The following HECW1 variants were observed in gnomAD, a reference collection of about 807,000 sequenced individuals.
HECW1 encodes the protein HECT, C2 and WW domain containing E3 ubiquitin protein ligase 1, also known as E3 ubiquitin-protein ligase HECW1.
A neutral mutation model predicts 182.3 loss-of-function variants in HECW1; 61 were observed. That is an observed-to-expected ratio of 0.33 (90% CI 0.27 to 0.41). The LOEUF (loss-of-function observed/expected upper bound fraction) is 0.41, where lower values mean the gene tolerates loss of function less well. HECW1 is among the 10% of genes least tolerant of loss of function. The pLI is 1.00. For missense variants in HECW1, 1,739 were observed against 2,108.9 expected (o/e 0.82, Z 3.44); for synonymous variants, 859 against 832.6 (o/e 1.03, Z -0.55).
At chr7:43,140,588 C>T (rs937004846) in intron 2 of HECW1, among the ~76,000 whole-genome samples, 2 of 152,122 alleles carry the variant, frequency 1.3e-5, no homozygotes, top group African/African-American at 2.4e-5. Flanking sequence ...TTCTAAATGG[C>T]GTCCCAAAAG....
At chr7:43,273,333 T>G (rs1802654674) in intron 3 of HECW1, among the ~76,000 whole-genome samples, 1 of 151,340 alleles carries the variant, frequency 6.6e-6, no homozygotes, top group South Asian at 2.1e-4. Flanking sequence ...TTGAAAAAAA[T>G]AAAGATAAAT....
At chr7:43,400,470 C>A (rs1459687200) in intron 7 of HECW1, among the ~76,000 whole-genome samples, 1 of 152,072 alleles carries the variant, frequency 6.6e-6, no homozygotes, top group African/African-American at 2.4e-5. Flanking sequence ...TTGACTTGAA[C>A]AATGTGTGGA....
intron 16 of HECW1, among the ~76,000 whole-genome samples, chr7:43,476,969 T>A (rs914637954): frequency 5.3e-5 from 8 of 152,262 alleles, no homozygotes; most frequent in Admixed American, 3.9e-4. Flanking sequence ...AGCAGATGTA[T>A]AACTTAGCAC....
intron 2 of HECW1, among the ~76,000 whole-genome samples, chr7:43,239,722 G>T (rs1798697994): frequency 6.6e-6 from 1 of 152,222 alleles, no homozygotes; most frequent in Non-Finnish European, 1.5e-5. Context: ...GGGGATGTCA[G>T]ATACACCCAC....
intron 29 of HECW1, among the ~76,000 whole-genome samples, chr7:43,556,065 C>T (rs2082007774): frequency 2.0e-5 from 3 of 152,152 alleles, no homozygotes; most frequent in South Asian, 2.1e-4. Context: ...AGGGAGAACA[C>T]GGCCTGATAG....
In HECW1 at chr7:43,243,880, G is replaced by T; in HGVS notation, c.-26G>T. ...CTCGTTGGACTTTTCCCCAGGAATT[G>T]ATGCGCGTACACGTGGTGGGTCATT... On this transcript the variant is annotated 5_prime_UTR_variant, in exon 3 of 30. Transcript: ENST00000395891. This position sits in a 1 kb window ranked among gnomAD's most constrained non-coding sequence, Gnocchi z 4.0. 1 of 1,613,078 alleles carries T rather than the reference G, an allele frequency of 6.2e-7. No individual in the cohort carries two copies. The highest frequency in any genetic ancestry group is 8.5e-7 in the Non-Finnish European group (1 of 1,179,042).
At chr7:43,412,285 A>G (rs2075826683) in intron 8 of HECW1, among the ~76,000 whole-genome samples, 2 of 152,082 alleles carry the variant, frequency 1.3e-5, no homozygotes, top group Non-Finnish European at 2.9e-5. Flanking sequence ...TATATATCAC[A>G]TTGTATATAC....
At chr7:43,241,616 ATG>A (rs57645139) in intron 2 of HECW1, 7,534 of 121,978 alleles carry the variant, frequency 0.062, 221 homozygotes, top group South Asian at 0.1. Context: ...CTCCTAATGT[ATG>A]TGTGTGTGTG....
intron 2 of HECW1, among the ~76,000 whole-genome samples, chr7:43,197,617 G>A (rs1255634683): frequency 1.3e-5 from 2 of 152,166 alleles, no homozygotes; most frequent in African/African-American, 4.8e-5. Context: ...ATCAGTCACT[G>A]CTGCATGAAG....
chr7:43,379,747 T>C (rs961432160), intron 6 of HECW1, among the ~76,000 whole-genome samples: 2 of 152,104 alleles, frequency 1.3e-5, no homozygotes, highest in African/African-American at 4.8e-5. Context: ...TTTAGATCGT[T>C]TTCTCAAATG....
At chr7:43,464,493 A>AC (rs1201969234) in intron 14 of HECW1, among the ~76,000 whole-genome samples, 7 of 148,680 alleles carry the variant, frequency 4.7e-5, no homozygotes, top group African/African-American at 1.7e-4. Flanking sequence ...ACTGGCTTCC[A>AC]CTTTTTTTTT....
chr7:43,508,207 C>A, intron 23 of HECW1, 76 bp downstream of exon 23: 1 of 867,810 alleles, frequency 1.2e-6, no homozygotes. Flanking sequence ...TGATTTTTCT[C>A]AAGAAGGAGC....
At chr7:43,483,769 G>A (rs1031979904) in intron 17 of HECW1, among the ~76,000 whole-genome samples, 2 of 151,900 alleles carry the variant, frequency 1.3e-5, no homozygotes, top group Non-Finnish European at 2.9e-5. Flanking sequence ...GACTGGTCTC[G>A]AACTCTTGAC....
chr7:43,375,661 A>T (rs1477807444), intron 6 of HECW1, among the ~76,000 whole-genome samples: 2 of 152,022 alleles, frequency 1.3e-5, no homozygotes, highest in African/African-American at 4.8e-5. Context: ...GGGAGGCTGA[A>T]GTGGGCAGAT....
chr7:43,513,147 G>C (rs1210854285), intron 24 of HECW1, among the ~76,000 whole-genome samples: 2 of 152,058 alleles, frequency 1.3e-5, no homozygotes, highest in African/African-American at 4.8e-5. Flanking sequence ...CTTCTACCAG[G>C]GTTAAGATTA....
In HECW1 at chr7:43,112,827, C is replaced by T. The variant is rs1271678199; in HGVS notation, c.-377C>T. On this transcript the variant is annotated 5_prime_UTR_variant, in exon 1 of 30. Transcript: ENST00000395891. ...GAGAGCGGGCGGTCGCCAGGGTCCCCTCCCCAGCCAGTCCCAGGCGCCCGG... is the reference window on the plus strand; with the variant it reads ...GAGAGCGGGCGGTCGCCAGGGTCCCTTCCCCAGCCAGTCCCAGGCGCCCGG... The T allele has an allele frequency of 4.4e-6, 1 of 228,232 alleles. No individual in the cohort carries two copies. The highest frequency in any genetic ancestry group is 8.7e-6 in the Non-Finnish European group (1 of 114,776). 14.1% of individuals were successfully genotyped at this position (228,232 alleles called of 1,614,324 possible). A position where few individuals can be genotyped will look rare whatever the true frequency, so the allele number is the denominator to read the frequency against.
chr7:43,542,792 T>A (rs2081410266), intron 26 of HECW1, among the ~76,000 whole-genome samples: 1 of 152,226 alleles, frequency 6.6e-6, no homozygotes, highest in South Asian at 2.1e-4. Context: ...TTCAAACCAA[T>A]TCCTTGGGAA....
intron 6 of HECW1, among the ~76,000 whole-genome samples, chr7:43,382,561 C>T (rs549134495): frequency 2.0e-5 from 3 of 152,248 alleles, no homozygotes; most frequent in African/African-American, 7.2e-5. Flanking sequence ...CAAAAAATAA[C>T]GAGTTACTGC....
intron 3 of HECW1, among the ~76,000 whole-genome samples, chr7:43,311,169 G>A (rs1307740347): frequency 6.6e-6 from 1 of 152,150 alleles, no homozygotes; most frequent in East Asian, 1.9e-4. Context: ...GAAAATCATC[G>A]TATTCAAAGA....
Sources: gnomAD v4.1 joint callset for allele counts (sites outside exome capture counted in the v4.1 genomes callset) on GRCh38, gnomAD v4.1.1 for gene constraint, Gnocchi (gnomAD v3.1) non-coding constraint, MANE v1.5 for transcripts, NCBI Gene and HGNC (gene_info 2026-07-23, HGNC 2026-07-21) for gene names.